The following NUDT9 variants were observed in gnomAD, a reference collection of about 807,000 sequenced individuals.
NUDT9 encodes the protein nudix hydrolase 9, also known as ADP-ribose pyrophosphatase.
NUDT9 carries 31 observed loss-of-function variants against 41.0 expected under a neutral mutation model. The ratio of observed to expected loss-of-function variants is 0.76; its 90% CI spans 0.57 to 1.02. The LOEUF is 1.02. Ranked by LOEUF, NUDT9 falls within the 50% of genes least tolerant of loss-of-function variation. The pLI, the probability that NUDT9 is intolerant of heterozygous loss-of-function variation, is 0.00. For synonymous variants in NUDT9, 146 were observed against 147.6 expected (o/e 0.99, Z 0.08); for missense variants, 380 against 431.4 (o/e 0.88, Z 1.06).
Position 87,451,692 on chromosome 4 carries a change from T to C in NUDT9, c.746T>C (p.Ile249Thr). ...AAAACCAGTGCTGAGAAGAGAGAAA[T>C]AGAGGAAAAGTTGCACAAACTCTTC... The part of the protein sequence containing the change: ...LQKTSAEKRE[I>T]EEKLHKLFSQ... The change falls in exon 6 of 8, where the codon ATA becomes ACA. Residue 249 changes from isoleucine (I) to threonine (T), a missense_variant. Ile to Thr is a moderately conservative substitution (Grantham distance 89). Transcript: ENST00000302174. 1 of 1,613,798 alleles carries C rather than the reference T, an allele frequency of 6.2e-7. No homozygotes were observed. Among genetic ancestry groups the C allele is most frequent in the Non-Finnish European group, 8.5e-7 (1 of 1,179,916 alleles).
chr4:87,453,671 G>A (rs1012678810), intron 6 of NUDT9, among the ~76,000 whole-genome samples: 9 of 151,704 alleles, frequency 5.9e-5, no homozygotes, highest in East Asian at 3.9e-4. Context: ...CTCATGATCC[G>A]CCCACCTCCG....
chr4:87,449,541 T>C (rs951212832), intron 5 of NUDT9, among the ~76,000 whole-genome samples: 5 of 152,262 alleles, frequency 3.3e-5, no homozygotes, highest in African/African-American at 9.6e-5. Flanking sequence ...AGCTGGGTGA[T>C]TGGGAGTTCA....
chr4:87,443,223 A>G (rs1578074530), intron 4 of NUDT9, among the ~76,000 whole-genome samples: 1 of 151,996 alleles, frequency 6.6e-6, no homozygotes, highest in Non-Finnish European at 1.5e-5. Context: ...GTTATTGACC[A>G]AAACATCATT....
chr4:87,429,989 C>T (rs1237308446), intron 1 of NUDT9, among the ~76,000 whole-genome samples: 1 of 152,098 alleles, frequency 6.6e-6, no homozygotes, highest in Non-Finnish European at 1.5e-5. Context: ...TATATGTTGC[C>T]TTACATAGCA....
intron 4 of NUDT9, among the ~76,000 whole-genome samples, chr4:87,448,564 C>A (rs575296010): frequency 6.6e-6 from 1 of 152,168 alleles, no homozygotes; most frequent in South Asian, 2.1e-4. Flanking sequence ...TCAGTGCAAC[C>A]TTAAACTCCT....
rs368719984 is a variant in NUDT9, at chr4:87,437,485, T to C, written c.348-792T>C. ...CCTCCCGAGTAGCTGGGGCTACAGG[T>C]GCCCACCACCATGCCCAGCTAATTT... is the stretch of plus-strand genomic sequence containing the variant. On this transcript the variant is annotated intron_variant, in intron 2 of 7. Coordinates refer to ENST00000302174, the MANE Select transcript of NUDT9 (RefSeq NM_024047.5). Among the ~76,000 whole-genome samples the C allele has an allele frequency of 9.5e-3, 1,425 of 149,568 alleles. 33 individuals carry two copies. Among genetic ancestry groups the C allele is most frequent in the African/African-American group, 0.033 (1,294 of 39,144 alleles).
intron 1 of NUDT9, among the ~76,000 whole-genome samples, chr4:87,433,164 A>C (rs1179461712): frequency 6.6e-6 from 1 of 152,166 alleles, no homozygotes; most frequent in African/African-American, 2.4e-5. Context: ...GATACTTTAA[A>C]AAAATTCACC....
intron 3 of NUDT9, among the ~76,000 whole-genome samples, chr4:87,440,189 A>G (rs978690938): frequency 3.9e-5 from 6 of 152,216 alleles, no homozygotes; most frequent in Non-Finnish European, 8.8e-5. Flanking sequence ...CTTTTAATGA[A>G]GTCTCTTTGA....
At chr4:87,446,583 TA>T (rs1722470149) in intron 4 of NUDT9, among the ~76,000 whole-genome samples, 4 of 152,118 alleles carry the variant, frequency 2.6e-5, no homozygotes, top group Admixed American at 2.6e-4. Flanking sequence ...TCAGTTTAAG[TA>T]GATAGTATAG....
At chr4:87,441,343 A>G (rs1052957855) in intron 3 of NUDT9, among the ~76,000 whole-genome samples, 4 of 152,224 alleles carry the variant, frequency 2.6e-5, no homozygotes. Flanking sequence ...AAATAGTAAT[A>G]CTAATACCTT....
intron 1 of NUDT9, among the ~76,000 whole-genome samples, chr4:87,429,490 T>C (rs1050647743): frequency 2.0e-5 from 3 of 152,114 alleles, no homozygotes; most frequent in Non-Finnish European, 4.4e-5. Context: ...ATTATGTAAT[T>C]TGCCCTAATT....
In NUDT9 at chr4:87,422,869, A is replaced by G; in HGVS notation, c.-37A>G. ...TGGGGAGGCGGAGGCACCAACTAAG[A>G]GCGACCTAGCATCGCAAAGCCGCCC... On this transcript the variant is annotated 5_prime_UTR_variant, in exon 1 of 8. Transcript: ENST00000302174. 6.4e-7 allele frequency: 1 copy of G among 1,558,920 alleles called. No individual in the cohort carries two copies. Among genetic ancestry groups the G allele is most frequent in the African/African-American group, 1.4e-5 (1 of 73,232 alleles).
At chr4:87,432,283 T>C (rs1721721176) in intron 1 of NUDT9, among the ~76,000 whole-genome samples, 3 of 152,166 alleles carry the variant, frequency 2.0e-5, no homozygotes, top group Admixed American at 6.5e-5. Flanking sequence ...ACAGGTAGCC[T>C]GGAGATACTT....
chr4:87,434,799 A>G (rs2110167681), intron 1 of NUDT9, among the ~76,000 whole-genome samples, 182 bp from the exon 2 acceptor site: 1 of 152,118 alleles, frequency 6.6e-6, no homozygotes, highest in South Asian at 2.1e-4. Context: ...TTGTATTTTT[A>G]GTAGAGACGG....
chr4:87,440,777 C>T (rs985221354), intron 3 of NUDT9, among the ~76,000 whole-genome samples: 7 of 151,716 alleles, frequency 4.6e-5, no homozygotes, highest in South Asian at 2.1e-4. Context: ...ACCCGGGAGA[C>T]GGAGGTTGCA....
At chr4:87,426,229 T>C (rs755482738) in intron 1 of NUDT9, among the ~76,000 whole-genome samples, 2 of 151,860 alleles carry the variant, frequency 1.3e-5, no homozygotes, top group Non-Finnish European at 2.9e-5. Context: ...GTGTAGAATA[T>C]TGTTTTATTC....
intron 6 of NUDT9, among the ~76,000 whole-genome samples, chr4:87,452,151 C>T (rs769741718): frequency 1.1e-4 from 16 of 151,920 alleles, no homozygotes; most frequent in Non-Finnish European, 1.5e-4. Context: ...TACAGGCTTC[C>T]ACCACCACGC....
chr4:87,437,444 C>T (rs898297318), intron 2 of NUDT9, among the ~76,000 whole-genome samples: 5 of 151,870 alleles, frequency 3.3e-5, no homozygotes, highest in African/African-American at 1.2e-4. Flanking sequence ...GGGTTCACGC[C>T]ATTCTCCTGC....
At chr4:87,446,563 T>C (rs1345919216) in intron 4 of NUDT9, among the ~76,000 whole-genome samples, 1 of 152,166 alleles carries the variant, frequency 6.6e-6, no homozygotes, top group Non-Finnish European at 1.5e-5. Context: ...AGTGTAAACA[T>C]TCTGCTTGTT....
Sources: gnomAD v4.1 joint callset for allele counts (sites outside exome capture counted in the v4.1 genomes callset) on GRCh38, gnomAD v4.1.1 for gene constraint, MANE v1.5 for transcripts, NCBI Gene and HGNC (gene_info 2026-07-23, HGNC 2026-07-21) for gene names.